PTPRN2: variants seen among roughly 807,000 people sequenced by gnomAD.
PTPRN2 encodes protein tyrosine phosphatase receptor type N2.
Under a neutral mutation model 118.8 loss-of-function variants are expected in PTPRN2, and 74 were observed. The ratio of observed to expected loss-of-function variants is 0.62; its 90% CI spans 0.52 to 0.76. The LOEUF (loss-of-function observed/expected upper bound fraction) is 0.76, where lower values mean the gene tolerates loss of function less well. Ranked by LOEUF, PTPRN2 falls within the 30% of genes least tolerant of loss-of-function variation. The pLI is 0.00. For missense variants in PTPRN2, 1,481 were observed against 1,394.4 expected (o/e 1.06, Z -0.99); for synonymous variants, 641 against 608.0 (o/e 1.05, Z -0.80).
At chr7:158,457,686 TG>T (rs1818636255) in intron 2 of PTPRN2, among the ~76,000 whole-genome samples, 1 of 100,020 alleles carries the variant, frequency 1.0e-5, no homozygotes, top group Non-Finnish European at 2.1e-5. Flanking sequence ...GAGCCTGGCC[TG>T]GGGGGAGTCA....
Position 157,763,113 on chromosome 7 carries a change from C to T in PTPRN2, c.1789-80176G>A, listed in dbSNP as rs55743703. Among the ~76,000 whole-genome samples, 10 of 130,826 alleles carry T rather than the reference C, an allele frequency of 7.6e-5. No homozygotes were observed. Among genetic ancestry groups the T allele is most frequent in the African/African-American group, 2.8e-4 (9 of 32,616 alleles). The allele number at this position is 130,826 out of a possible 152,430, so 85.8% of individuals were successfully genotyped here. A position where few individuals can be genotyped will look rare whatever the true frequency, so the allele number is the denominator to read the frequency against. ...AGAGCTAACCATCAGAGCCCACGGC[C>T]GCCCACTCATGGTCGGTCACAGGGT... On this transcript the variant is annotated intron_variant, in intron 12 of 22. Transcript: ENST00000389418. The surrounding 1 kb of genome is among the most constrained non-coding windows in gnomAD (Gnocchi z 4.9).
rs548117926 is a variant in PTPRN2 at position 158,499,809 on chromosome 7, A to G, written c.113-10024T>C. On this transcript the variant is annotated intron_variant, in intron 1 of 22. Transcript: ENST00000389418. ...TATGTGTGTGTGTGTGTGTGTGTGT[A>G]TATATATATATACACACACCCTCCA... Among the ~76,000 whole-genome samples, 406 of 141,428 alleles carry G rather than the reference A, an allele frequency of 2.9e-3. 5 individuals are homozygous for G. The highest frequency in any genetic ancestry group is 0.022 in the East Asian group (101 of 4,554). The allele number at this position is 141,428 out of a possible 152,430, so 92.8% of individuals were successfully genotyped here. A position where few individuals can be genotyped will look rare whatever the true frequency, so the allele number is the denominator to read the frequency against.
At position 157,603,909 on chromosome 7, in the gene PTPRN2, A is replaced by G; in HGVS notation, c.2418+93T>C. 1.7e-6 allele frequency: 2 copies of G among 1,186,670 alleles called. No homozygotes were observed. The highest frequency in any genetic ancestry group is 1.2e-6 in the Non-Finnish European group (1 of 824,840). 73.5% of individuals were successfully genotyped at this position (1,186,670 alleles called of 1,614,324 possible). ...CGCAGAGACGCTGAGCTGGGTGGGG[A>G]CGTGATTTCCCCCGAGAACCTTCCC... On this transcript the variant is annotated intron_variant, in intron 16 of 22. Coordinates refer to ENST00000389418, the MANE Select transcript of PTPRN2 (RefSeq NM_002847.5). This position sits in a 1 kb window ranked among gnomAD's most constrained non-coding sequence, Gnocchi z 5.4.
intron 10 of PTPRN2, among the ~76,000 whole-genome samples, chr7:158,086,623 A>G (rs1314131743): frequency 6.6e-6 from 1 of 152,190 alleles, no homozygotes; most frequent in Non-Finnish European, 1.5e-5. Flanking sequence ...AAATGTGGAA[A>G]ATGTGGCACT....
At chr7:158,483,490 T>A (rs893325527) in intron 2 of PTPRN2, among the ~76,000 whole-genome samples, 1 of 152,216 alleles carries the variant, frequency 6.6e-6, no homozygotes, top group African/African-American at 2.4e-5. Flanking sequence ...TCTAAAGTCT[T>A]CCACTTTGGG....
chr7:158,458,792 T>C (rs1390104221), intron 2 of PTPRN2, among the ~76,000 whole-genome samples: 1 of 152,158 alleles, frequency 6.6e-6, no homozygotes, highest in Non-Finnish European at 1.5e-5. Context: ...AGACTCTGCC[T>C]CATTTCCCCT....
chr7:157,963,798 G>A (rs1021856852), intron 11 of PTPRN2, among the ~76,000 whole-genome samples: 3 of 152,222 alleles, frequency 2.0e-5, no homozygotes, highest in African/African-American at 7.2e-5. Flanking sequence ...GGGCTAACTC[G>A]TTCATCTTTC....
At position 157,975,524 on chromosome 7, in the gene PTPRN2, C is replaced by T. The variant is rs1047875142; in HGVS notation, c.1724-76787G>A. Among the ~76,000 whole-genome samples, 3 of 152,260 alleles carry T rather than the reference C, an allele frequency of 2.0e-5. No individual in the cohort carries two copies. The East Asian group carries it at 5.8e-4, about 30-fold the overall frequency. Reference sequence around the variant, plus strand: ...TCAGCTATTCATATTCCCACGGCCCCACGAGGAGACGTGCTTCATTCTACA... The same window carrying T: ...TCAGCTATTCATATTCCCACGGCCCTACGAGGAGACGTGCTTCATTCTACA... On this transcript the variant is annotated intron_variant, in intron 11 of 22. Transcript: ENST00000389418.
chr7:158,051,890 T>C (rs971854478), intron 11 of PTPRN2, among the ~76,000 whole-genome samples: 1 of 152,112 alleles, frequency 6.6e-6, no homozygotes, highest in African/African-American at 2.4e-5. Flanking sequence ...ACACAAAAGC[T>C]AAGATTTAAA....
intron 2 of PTPRN2, among the ~76,000 whole-genome samples, chr7:158,387,557 T>TGAG (rs1443235975): frequency 2.0e-5 from 3 of 152,306 alleles, no homozygotes; most frequent in African/African-American, 4.8e-5. Flanking sequence ...TCCAGGGGGC[T>TGAG]GCGGCATCCC....
chr7:158,550,407 G>T (rs1297119652), intron 1 of PTPRN2, among the ~76,000 whole-genome samples: 1 of 152,220 alleles, frequency 6.6e-6, no homozygotes, highest in Non-Finnish European at 1.5e-5. Context: ...CATGCACTCG[G>T]CCCCAGGGCA....
chr7:158,372,251 A>G (rs1810077887), intron 2 of PTPRN2, among the ~76,000 whole-genome samples: 1 of 130,458 alleles, frequency 7.7e-6, no homozygotes, highest in African/African-American at 3.0e-5. Context: ...TGGCCTCCCC[A>G]GTGCTGGTCC....
intron 15 of PTPRN2, among the ~76,000 whole-genome samples, chr7:157,620,519 T>C (rs992002852): frequency 1.3e-5 from 2 of 152,214 alleles, no homozygotes; most frequent in African/African-American, 2.4e-5. Flanking sequence ...GTACCGGTGC[T>C]ATGCTAATGA....
intron 12 of PTPRN2, among the ~76,000 whole-genome samples, chr7:157,783,946 ATC>A (rs1323334401): frequency 3.3e-5 from 5 of 152,152 alleles, no homozygotes; most frequent in Non-Finnish European, 7.3e-5. Flanking sequence ...AGGATATTCC[ATC>A]TCTTACTCTT....
chr7:158,299,568 T>C (rs1222918658), intron 3 of PTPRN2, among the ~76,000 whole-genome samples: 1 of 152,150 alleles, frequency 6.6e-6, no homozygotes, highest in East Asian at 1.9e-4. Flanking sequence ...AGTGCTGGGA[T>C]TACATGTGTG....
At chr7:157,999,296 A>G (rs1187085541) in intron 11 of PTPRN2, among the ~76,000 whole-genome samples, 1 of 152,296 alleles carries the variant, frequency 6.6e-6, no homozygotes, top group African/African-American at 2.4e-5. Context: ...TCCTTTAAAT[A>G]AACAGCAAAA....
intron 12 of PTPRN2, among the ~76,000 whole-genome samples, chr7:157,778,799 C>T (rs953721296): frequency 4.6e-5 from 7 of 152,108 alleles, no homozygotes; most frequent in African/African-American, 1.7e-4. Context: ...AACATGTCCA[C>T]GTGAATACAG....
chr7:158,474,490 A>G (rs1021346581), intron 2 of PTPRN2, among the ~76,000 whole-genome samples: 1 of 152,276 alleles, frequency 6.6e-6, no homozygotes, highest in Non-Finnish European at 1.5e-5. Context: ...TCAACCCAGC[A>G]GATAAAAGGG....
intron 12 of PTPRN2, among the ~76,000 whole-genome samples, chr7:157,776,494 T>TC (rs1803274858): frequency 3.6e-5 from 1 of 27,652 alleles, no homozygotes; most frequent in Non-Finnish European, 7.4e-5. Context: ...TCCCTCTCCT[T>TC]CTCCCTCTCC....
Sources: gnomAD v4.1 joint callset for allele counts (sites outside exome capture counted in the v4.1 genomes callset) on GRCh38, gnomAD v4.1.1 for gene constraint, Gnocchi (gnomAD v3.1) non-coding constraint, MANE v1.5 for transcripts, NCBI Gene and HGNC (gene_info 2026-07-23, HGNC 2026-07-21) for gene names.